BBS9: variants seen among roughly 807,000 people sequenced by gnomAD.
The protein encoded by BBS9 is Bardet-Biedl syndrome 9, also known as protein PTHB1.
BBS9 carries 89 observed loss-of-function variants against 117.7 expected under a neutral mutation model. The observed-to-expected ratio is 0.76, with a 90% CI of 0.64 to 0.90. BBS9 has a LOEUF of 0.90. Among genes scored for constraint, BBS9 ranks in the 40% least tolerant of loss-of-function variants. The pLI is 0.00. For synonymous variants in BBS9, 379 were observed against 370.9 expected (o/e 1.02, Z -0.25); for missense variants, 982 against 1,042.2 (o/e 0.94, Z 0.80).
At chr7:33,215,619 A>G (rs561052017) in intron 5 of BBS9, among the ~76,000 whole-genome samples, 7 of 152,348 alleles carry the variant, frequency 4.6e-5, no homozygotes, top group Non-Finnish European at 8.8e-5. Context: ...ACACACACAC[A>G]TAGACACACA....
chr7:33,217,747 A>G (rs1330655700), intron 5 of BBS9, among the ~76,000 whole-genome samples: 1 of 152,226 alleles, frequency 6.6e-6, no homozygotes, highest in Non-Finnish European at 1.5e-5. Flanking sequence ...CATGTTGAGT[A>G]TGCTAAGTAA....
intron 9 of BBS9, among the ~76,000 whole-genome samples, chr7:33,325,832 A>G (rs771557170): frequency 6.6e-6 from 1 of 152,080 alleles, no homozygotes; most frequent in Non-Finnish European, 1.5e-5. Context: ...CCTTTTCCCC[A>G]ACAAAAAGAG....
At chr7:33,495,601 A>C (rs1844596901) in intron 19 of BBS9, among the ~76,000 whole-genome samples, 1 of 152,200 alleles carries the variant, frequency 6.6e-6, no homozygotes, top group Non-Finnish European at 1.5e-5. Flanking sequence ...GAGAACATTC[A>C]TTCTTCTTTT....
chr7:33,322,813 A>C (rs1562995184), intron 9 of BBS9, among the ~76,000 whole-genome samples: 2 of 152,004 alleles, frequency 1.3e-5, no homozygotes, highest in Admixed American at 1.3e-4. Context: ...AGATTCTTTA[A>C]GATGCATCAT....
intron 21 of BBS9, among the ~76,000 whole-genome samples, chr7:33,548,903 C>T (rs1853885435): frequency 6.6e-6 from 1 of 150,944 alleles, no homozygotes; most frequent in Non-Finnish European, 1.5e-5. Flanking sequence ...CAATGACTTT[C>T]TTCACAGAAT....
At chr7:33,461,799 G>T (rs1193167080) in intron 19 of BBS9, among the ~76,000 whole-genome samples, 1 of 151,822 alleles carries the variant, frequency 6.6e-6, no homozygotes, top group Non-Finnish European at 1.5e-5. Flanking sequence ...TTTCTTCTTT[G>T]TCATGTTGCT....
intron 18 of BBS9, among the ~76,000 whole-genome samples, chr7:33,386,619 T>C (rs528929049): frequency 3.9e-5 from 6 of 152,066 alleles, no homozygotes; most frequent in Admixed American, 1.3e-4. Context: ...GCCTCCTGAG[T>C]AGCTGGGACT....
chr7:33,210,397 C>T (rs1787785271), intron 5 of BBS9, among the ~76,000 whole-genome samples: 1 of 152,122 alleles, frequency 6.6e-6, no homozygotes, highest in African/African-American at 2.4e-5. Context: ...TTGTAAATGT[C>T]TCCATTTGGT....
chr7:33,428,362 A>C (rs903537182), intron 19 of BBS9, among the ~76,000 whole-genome samples: 4 of 152,168 alleles, frequency 2.6e-5, no homozygotes, highest in Non-Finnish European at 5.9e-5. Flanking sequence ...AAAGTATTTT[A>C]TTGCCAAGGT....
chr7:33,251,621 AT>A, intron 5 of BBS9, among the ~76,000 whole-genome samples: 1 of 152,274 alleles, frequency 6.6e-6, no homozygotes, highest in African/African-American at 2.4e-5. Flanking sequence ...GCAGTTAAAC[AT>A]TAATACAACA....
At chr7:33,317,201 C>G (rs1181383683) in intron 9 of BBS9, among the ~76,000 whole-genome samples, 1 of 152,078 alleles carries the variant, frequency 6.6e-6, no homozygotes, top group Non-Finnish European at 1.5e-5. Flanking sequence ...TTATTCTGTT[C>G]CATTGATCTG....
intron 5 of BBS9, among the ~76,000 whole-genome samples, chr7:33,183,544 C>T (rs750644351): frequency 5.3e-5 from 8 of 152,140 alleles, no homozygotes; most frequent in Admixed American, 1.3e-4. Flanking sequence ...TTAAATGTTA[C>T]CAAAAGTAAC....
At chr7:33,366,467 C>A (rs925817892) in intron 16 of BBS9, among the ~76,000 whole-genome samples, 1 of 151,490 alleles carries the variant, frequency 6.6e-6, no homozygotes, top group African/African-American at 2.4e-5. Flanking sequence ...GACTAGTGTC[C>A]CCTACTTTAC....
intron 20 of BBS9, among the ~76,000 whole-genome samples, chr7:33,518,087 C>T (rs1363240849): frequency 6.6e-6 from 1 of 151,926 alleles, no homozygotes; most frequent in African/African-American, 2.4e-5. Context: ...TTGTATAGAT[C>T]TTTCTGTCAT....
At chr7:33,610,434 C>G (rs1199669001), downstream of BBS9, among the ~76,000 whole-genome samples, 3 of 152,114 alleles carry the variant, frequency 2.0e-5, no homozygotes, top group Admixed American at 6.6e-5. Flanking sequence ...CCAACTCCCA[C>G]TTCCAAGACG....
intron 20 of BBS9, among the ~76,000 whole-genome samples, chr7:33,524,658 T>C (rs1396228063): frequency 2.0e-5 from 3 of 152,166 alleles, no homozygotes; most frequent in Non-Finnish European, 2.9e-5. Context: ...TTATTAGTCT[T>C]GCTAGCGGTC....
At chr7:33,370,999 T>A (rs1822756918) in intron 17 of BBS9, among the ~76,000 whole-genome samples, 2 of 152,186 alleles carry the variant, frequency 1.3e-5, no homozygotes, top group Non-Finnish European at 2.9e-5. Flanking sequence ...GAAATAAGAT[T>A]AATACTCAGA....
intron 5 of BBS9, among the ~76,000 whole-genome samples, chr7:33,203,439 C>A (rs1389739525): frequency 7.9e-5 from 12 of 152,118 alleles, no homozygotes; most frequent in African/African-American, 2.9e-4. Context: ...GAGAACCCTG[C>A]TCTCTAGAAC....
intron 4 of BBS9, 55 bp downstream of exon 4, chr7:33,155,757 A>T: frequency 1.0e-6 from 1 of 1,002,502 alleles, no homozygotes; most frequent in South Asian, 1.3e-5. Context: ...GCTTAATGTT[A>T]TATGAGAATA....
Sources: allele counts gnomAD v4.1 joint callset (sites outside exome capture counted in the v4.1 genomes callset), GRCh38; gene constraint gnomAD v4.1.1; transcripts MANE v1.5; gene names NCBI Gene and HGNC (gene_info 2026-07-23, HGNC 2026-07-21).